ATP8A2: variants seen among roughly 807,000 people sequenced by gnomAD.
ATP8A2 encodes the protein phospholipid-transporting ATPase IB.
In ATP8A2, 100 loss-of-function variants were observed where a neutral mutation model predicts 165.6. That is an observed-to-expected ratio of 0.60 (90% confidence interval 0.51 to 0.71). The LOEUF is 0.71. Ranked by LOEUF, ATP8A2 falls within the 30% of genes least tolerant of loss-of-function variation. ATP8A2 has a pLI of 0.00. For synonymous variants in ATP8A2, 543 were observed against 548.8 expected (o/e 0.99, Z 0.15); for missense variants, 1,227 against 1,479.5 (o/e 0.83, Z 2.80).
At chr13:25,942,660 G>T (rs1437407585) in intron 33 of ATP8A2, among the ~76,000 whole-genome samples, 1 of 152,198 alleles carries the variant, frequency 6.6e-6, no homozygotes, top group Non-Finnish European at 1.5e-5. Context: ...CTGTCCTCGG[G>T]TGATCCACGC....
At chr13:25,628,727 A>C (rs781212581) in intron 24 of ATP8A2, among the ~76,000 whole-genome samples, 1 of 151,900 alleles carries the variant, frequency 6.6e-6, no homozygotes, top group Non-Finnish European at 1.5e-5. Flanking sequence ...CCCTCTGTAT[A>C]TGACTGTGTA....
At position 25,577,067 on chromosome 13, in the gene ATP8A2, A is replaced by T; in HGVS notation, c.1713-2A>T. On this transcript the variant is annotated splice_acceptor_variant, in intron 19 of 36. Transcript: ENST00000381655. LOFTEE classifies it high-confidence loss of function. ...ATGACTTTTTTTTTTTCACTCTCCCAGTGACAGAAAAAGAATGTCTGTAAT... is the reference window on the plus strand; with the variant it reads ...ATGACTTTTTTTTTTTCACTCTCCCTGTGACAGAAAAAGAATGTCTGTAAT... The T allele has an allele frequency of 6.2e-7, 1 of 1,612,252 alleles. No homozygotes were observed. Among genetic ancestry groups the T allele is most frequent in the Non-Finnish European group, 8.5e-7 (1 of 1,178,782 alleles).
chr13:25,684,196 T>C (rs2042554561), intron 24 of ATP8A2, among the ~76,000 whole-genome samples: 2 of 152,224 alleles, frequency 1.3e-5, no homozygotes, highest in Non-Finnish European at 2.9e-5. Flanking sequence ...AGTGGGAAGT[T>C]TGTATGTTTC....
chr13:25,462,414 A>G (rs2035528207), intron 1 of ATP8A2, among the ~76,000 whole-genome samples: 1 of 152,202 alleles, frequency 6.6e-6, no homozygotes, highest in Non-Finnish European at 1.5e-5. Context: ...TTACAGTTTT[A>G]CTACAAAGGG....
intron 22 of ATP8A2, 96 bp downstream of exon 22, chr13:25,580,043 T>A: frequency 7.2e-7 from 1 of 1,383,962 alleles, no homozygotes; most frequent in Non-Finnish European, 9.9e-7. Flanking sequence ...TATGTAGGGA[T>A]GTTCTCTTTT....
chr13:25,690,254 C>G (rs2042695611), intron 24 of ATP8A2, among the ~76,000 whole-genome samples: 1 of 151,868 alleles, frequency 6.6e-6, no homozygotes, highest in Non-Finnish European at 1.5e-5. Flanking sequence ...CATAAATAGT[C>G]TCTTTCTTAC....
chr13:25,619,177 C>T (rs1443605107), intron 24 of ATP8A2, among the ~76,000 whole-genome samples: 1 of 152,134 alleles, frequency 6.6e-6, no homozygotes, highest in African/African-American at 2.4e-5. Context: ...GAGCAGAGGA[C>T]AGGGTCTACA....
Position 25,543,391 on chromosome 13 carries a change from A to C in ATP8A2, c.880A>C (p.Lys294Gln). The C allele has an allele frequency of 6.3e-7, 1 of 1,597,938 alleles. No individual in the cohort carries two copies. Among genetic ancestry groups the C allele is most frequent in the Middle Eastern group, 1.7e-4 (1 of 6,026 alleles). ...AGTTGTTTATACTGGACACGACACC[A>C]AACTCATGCAGGTAAAACATTTCTA... ...GIVVYTGHDT[K>Q]LMQNSTKAPL... is the part of the protein sequence containing the mutation. The change falls in exon 10 of 37, where the codon AAA becomes CAA. Residue 294 changes from lysine (K) to glutamine (Q), a missense_variant. Lys to Gln is a moderately conservative substitution (Grantham distance 53). This residue lies in a region of ATP8A2 where 356 missense variants were observed against 394.9 expected (regional missense o/e 0.90). Coordinates refer to ENST00000381655, the MANE Select transcript of ATP8A2 (RefSeq NM_016529.6).
intron 24 of ATP8A2, among the ~76,000 whole-genome samples, chr13:25,631,866 A>C (rs2041247929): frequency 6.7e-6 from 1 of 150,134 alleles, no homozygotes; most frequent in Non-Finnish European, 1.5e-5. Flanking sequence ...AAATGTGGGG[A>C]GTTTTCCCAA....
intron 27 of ATP8A2, among the ~76,000 whole-genome samples, chr13:25,792,557 A>G (rs570975030): frequency 3.9e-4 from 60 of 152,292 alleles, no homozygotes; most frequent in African/African-American, 1.3e-3. Flanking sequence ...AACTAATGAA[A>G]TGAACAAAAA....
chr13:25,637,052 T>C (rs1311564140), intron 24 of ATP8A2, among the ~76,000 whole-genome samples: 5 of 121,206 alleles, frequency 4.1e-5, no homozygotes, highest in African/African-American at 9.6e-5. Context: ...ATTGCACCAC[T>C]ATTGCACTCT....
chr13:25,736,362 C>T (rs748306978), intron 25 of ATP8A2, among the ~76,000 whole-genome samples: 13 of 152,172 alleles, frequency 8.5e-5, no homozygotes, highest in Non-Finnish European at 1.8e-4. Flanking sequence ...TTTATGTGGT[C>T]ACAGAAGGCA....
chr13:25,603,458 G>A (rs2138386166), intron 24 of ATP8A2, among the ~76,000 whole-genome samples: 1 of 141,758 alleles, frequency 7.1e-6, no homozygotes, highest in Admixed American at 7.3e-5. Flanking sequence ...GTGACAGAAT[G>A]AGACTCTGTC....
chr13:25,503,071 T>A lies in ATP8A2; in HGVS notation c.222-26928T>A, dbSNP rs114194814. On this transcript the variant is annotated intron_variant, in intron 2 of 36. Coordinates refer to ENST00000381655, the MANE Select transcript of ATP8A2 (RefSeq NM_016529.6). ...GGCAGAATGTCCAGGACTAGGCGGG[T>A]GGGATCAGTGTGCTGCCTGGGTGGA... Among the ~76,000 whole-genome samples the A allele has an allele frequency of 7.3e-3, 1,114 of 152,054 alleles. 13 individuals carry two copies. Among genetic ancestry groups the A allele is most frequent in the African/African-American group, 0.025 (1,029 of 41,460 alleles).
At chr13:25,823,098 G>T (rs565964806) in intron 27 of ATP8A2, among the ~76,000 whole-genome samples, 1 of 152,348 alleles carries the variant, frequency 6.6e-6, no homozygotes, top group East Asian at 1.9e-4. Flanking sequence ...GAAGGCCACT[G>T]TAGCTGACTG....
intron 33 of ATP8A2, among the ~76,000 whole-genome samples, chr13:25,914,011 T>C (rs1954197521): frequency 6.6e-6 from 1 of 152,184 alleles, no homozygotes; most frequent in African/African-American, 2.4e-5. Context: ...TCCTCAGCAT[T>C]AGACCAAAAG....
rs4363720 is a variant in ATP8A2 at position 26,024,143 on chromosome 13, C to T, written c.*4158C>T. 0.97 allele frequency: 147,343 copies of T among 152,280 alleles called. 71,296 individuals carry two copies. The highest frequency in any genetic ancestry group is 1 in the East Asian group (5,162 of 5,180). The allele number at this position is 152,280 out of a possible 1,614,324, so 9.4% of individuals were successfully genotyped here. ...CAGTTAACTGTCTCAGTATAGCCTT[C>T]GGGGAGATTTAACCTCATTCTAGCC... On this transcript the variant is annotated 3_prime_UTR_variant, in exon 37 of 37. Coordinates refer to ENST00000381655, the MANE Select transcript of ATP8A2 (RefSeq NM_016529.6).
intron 24 of ATP8A2, among the ~76,000 whole-genome samples, chr13:25,615,139 A>C (rs1249636260): frequency 6.6e-6 from 1 of 152,126 alleles, no homozygotes; most frequent in Non-Finnish European, 1.5e-5. Context: ...CAGGGTGGGT[A>C]GAGAAAGACC....
chr13:25,427,446 C>A (rs934635260), intron 1 of ATP8A2, among the ~76,000 whole-genome samples: 1 of 152,112 alleles, frequency 6.6e-6, no homozygotes, highest in Non-Finnish European at 1.5e-5. Flanking sequence ...TGCACAATAA[C>A]TGTAATGTGC....
Sources: gnomAD v4.1 joint callset for allele counts (sites outside exome capture counted in the v4.1 genomes callset) on GRCh38, gnomAD v4.1.1 for gene constraint, gnomAD v4.1.1 regional missense constraint, MANE v1.5 for transcripts, NCBI Gene and HGNC (gene_info 2026-07-23, HGNC 2026-07-21) for gene names.